The following TMEM161B variants were observed in gnomAD, a reference collection of about 807,000 sequenced individuals.
The protein encoded by TMEM161B is transmembrane protein 161B.
TMEM161B carries 34 observed loss-of-function variants against 61.8 expected under a neutral mutation model. That is an observed-to-expected ratio of 0.55 (90% CI 0.42 to 0.73). TMEM161B has a LOEUF of 0.73. TMEM161B is among the 30% of genes least tolerant of loss of function. The pLI, the probability that TMEM161B is intolerant of heterozygous loss-of-function variation, is 0.00. For missense variants in TMEM161B, 456 were observed against 558.5 expected, an observed-to-expected ratio of 0.82 and a Z score of 1.85; for synonymous variants, 167 against 192.8, an observed-to-expected ratio of 0.87 and a Z score of 1.11.
intron 5 of TMEM161B, among the ~76,000 whole-genome samples, chr5:88,218,899 G>A (rs1205062968): frequency 6.6e-6 from 1 of 152,152 alleles, no homozygotes; most frequent in African/African-American, 2.4e-5. Flanking sequence ...AGATGATACT[G>A]GAGAATATGC....
chr5:88,212,558 C>T (rs948869000), intron 5 of TMEM161B, among the ~76,000 whole-genome samples: 4 of 152,086 alleles, frequency 2.6e-5, no homozygotes, highest in Admixed American at 6.5e-5. Context: ...CTGGGTCCAG[C>T]GGCTCACACC....
chr5:88,201,046 ATTT>A (rs1303955072), intron 9 of TMEM161B: 1 of 109,736 alleles, frequency 9.1e-6, no homozygotes, highest in African/African-American at 2.6e-5. Flanking sequence ...TGCATTTTAG[ATTT>A]TTAACAAAAA....
At chr5:88,223,904 A>G (rs1386094600) in intron 4 of TMEM161B, among the ~76,000 whole-genome samples, 1 of 152,146 alleles carries the variant, frequency 6.6e-6, no homozygotes, top group Non-Finnish European at 1.5e-5. Context: ...AAATAAAAAA[A>G]AAAAACAGTC....
chr5:88,198,217 G>A (rs1459384618), intron 10 of TMEM161B: 1 of 151,998 alleles, frequency 6.6e-6, no homozygotes, highest in Admixed American at 6.6e-5. Context: ...TCAAACTATG[G>A]AAAATATAAA....
At chr5:88,187,458 A>G (rs910006302), downstream of TMEM161B, among the ~76,000 whole-genome samples, 1 of 152,216 alleles carries the variant, frequency 6.6e-6, no homozygotes, top group Admixed American at 6.5e-5. Flanking sequence ...CAATACATTC[A>G]TGTGAAACAT....
chr5:88,224,957 ATGTTTT>A (rs1480930364), intron 4 of TMEM161B, among the ~76,000 whole-genome samples: 24 of 128,844 alleles, frequency 1.9e-4, no homozygotes, highest in East Asian at 5.0e-4. Flanking sequence ...CACACAAAAT[ATGTTTT>A]TGTTTTTTTT....
chr5:88,195,842 C>T lies in TMEM161B; in HGVS notation c.*369G>A, dbSNP rs921244775. The T allele has an allele frequency of 1.3e-5, 13 of 1,011,924 alleles. No individual in the cohort carries two copies. The highest frequency in any genetic ancestry group is 1.4e-5 in the Non-Finnish European group (12 of 847,500). 62.7% of individuals were successfully genotyped at this position (1,011,924 alleles called of 1,614,324 possible). A position where few individuals can be genotyped will look rare whatever the true frequency, so the allele number is the denominator to read the frequency against. ...TATAGGCAGCCACTATGACTATCAA[C>T]AGTACCATAAAACCATTAAAAGCAA... On this transcript the variant is annotated 3_prime_UTR_variant, in exon 12 of 12. Transcript: ENST00000296595.
At chr5:88,228,633 A>T in intron 2 of TMEM161B, 105 bp from the exon 3 acceptor site, 1 of 801,176 alleles carries the variant, frequency 1.2e-6, no homozygotes, top group Non-Finnish European at 1.9e-6. Context: ...GACACTGTCG[A>T]GAAATATCAG....
rs1561297692 is a variant in TMEM161B, at chr5:88,197,727, C to A, written c.1128G>T (p.Leu376=). Reference sequence around the variant, plus strand: ...GCATTACCAGAGGCGCCACATACTGCAGTGCAATGACACAAAGATAATAAA... The same window carrying A: ...GCATTACCAGAGGCGCCACATACTGAAGTGCAATGACACAAAGATAATAAA... ...RVFYYLCVIA[L]QYVAPLVMLL... is the part of the protein sequence containing the mutation. Residue 376 remains leucine (L), a synonymous_variant, in exon 11 of 12, where the codon CTG becomes CTT. Coordinates refer to ENST00000296595, the MANE Select transcript of TMEM161B (RefSeq NM_153354.5). The A allele has an allele frequency of 6.2e-7, 1 of 1,612,948 alleles. No individual in the cohort carries two copies.
At chr5:88,205,357 G>A (rs965921565) in intron 8 of TMEM161B, among the ~76,000 whole-genome samples, 1 of 151,904 alleles carries the variant, frequency 6.6e-6, no homozygotes, top group African/African-American at 2.4e-5. Flanking sequence ...GTAACTTAAG[G>A]AAAACAAACA....
chr5:88,249,176 A>C (rs1754009622), intron 1 of TMEM161B, among the ~76,000 whole-genome samples: 1 of 152,154 alleles, frequency 6.6e-6, no homozygotes, highest in Non-Finnish European at 1.5e-5. Flanking sequence ...GAAAGAAAGC[A>C]GGAAATGGAA....
chr5:88,257,191 T>G (rs1040010218), intron 1 of TMEM161B, among the ~76,000 whole-genome samples: 9 of 152,136 alleles, frequency 5.9e-5, no homozygotes, highest in Admixed American at 3.3e-4. Flanking sequence ...ATCGCAAGAC[T>G]GGGAGGGGAG....
At chr5:88,215,126 T>C (rs1394227646) in intron 5 of TMEM161B, among the ~76,000 whole-genome samples, 1 of 152,226 alleles carries the variant, frequency 6.6e-6, no homozygotes, top group Non-Finnish European at 1.5e-5. Flanking sequence ...TTTATGTGTC[T>C]AATTTGGGGA....
At chr5:88,266,924 A>G (rs540710274) in intron 1 of TMEM161B, among the ~76,000 whole-genome samples, 2 of 152,340 alleles carry the variant, frequency 1.3e-5, no homozygotes, top group Non-Finnish European at 2.9e-5. Context: ...GAAAAACAGC[A>G]TAAGATTACA....
intron 2 of TMEM161B, among the ~76,000 whole-genome samples, chr5:88,230,641 TG>T (rs1217166224): frequency 1.3e-5 from 2 of 152,166 alleles, no homozygotes; most frequent in Non-Finnish European, 2.9e-5. Flanking sequence ...TTTCATCCCT[TG>T]GTGCTTTTTG....
chr5:88,199,289 C>A, intron 9 of TMEM161B, 139 bp from the exon 10 acceptor site: 1 of 735,380 alleles, frequency 1.4e-6, no homozygotes, highest in Non-Finnish European at 2.1e-6. Context: ...TCTGACTCTG[C>A]CATAGACTTA....
chr5:88,241,806 TC>T, intron 1 of TMEM161B, among the ~76,000 whole-genome samples: 1 of 151,780 alleles, frequency 6.6e-6, no homozygotes, highest in South Asian at 2.1e-4. Context: ...AACGTCTAAC[TC>T]TCCACTCGGT....
intron 5 of TMEM161B, among the ~76,000 whole-genome samples, chr5:88,209,557 A>G (rs1746268270): frequency 6.6e-6 from 1 of 152,232 alleles, no homozygotes; most frequent in African/African-American, 2.4e-5. Context: ...CCAGACATGA[A>G]GCATGATCTT....
chr5:88,266,430 C>T (rs1756385032), intron 1 of TMEM161B, among the ~76,000 whole-genome samples: 1 of 152,116 alleles, frequency 6.6e-6, no homozygotes, highest in African/African-American at 2.4e-5. Flanking sequence ...CAGTGGAAAT[C>T]AGACTAACTT....
Sources: gnomAD v4.1 joint callset for allele counts (sites outside exome capture counted in the v4.1 genomes callset) on GRCh38, gnomAD v4.1.1 for gene constraint, MANE v1.5 for transcripts, NCBI Gene and HGNC (gene_info 2026-07-23, HGNC 2026-07-21) for gene names.